Variants in MTMR9 observed in about 807,000 individuals in gnomAD.
The protein encoded by MTMR9 is myotubularin related protein 9.
A neutral mutation model predicts 69.5 loss-of-function variants in MTMR9; 39 were observed. The ratio of observed to expected loss-of-function variants is 0.56; its 90% CI spans 0.43 to 0.73. MTMR9 has a LOEUF of 0.73. MTMR9 is among the 30% of genes least tolerant of loss of function. MTMR9 has a pLI of 0.00. For synonymous variants in MTMR9, 354 were observed against 240.8 expected, an observed-to-expected ratio of 1.47 and a Z score of -4.35; for missense variants, 900 against 671.2, an observed-to-expected ratio of 1.34 and a Z score of -3.77.
rs1393443709 is a variant in MTMR9, at chr8:11,325,656, A to G, written c.*2868A>G. 1 of 124,212 alleles carries G rather than the reference A, an allele frequency of 8.1e-6. No individual in the cohort carries two copies. The highest frequency in any genetic ancestry group is 1.9e-5 in the Non-Finnish European group (1 of 54,048). 7.7% of individuals were successfully genotyped at this position (124,212 alleles called of 1,614,324 possible). A position where few individuals can be genotyped will look rare whatever the true frequency, so the allele number is the denominator to read the frequency against. On this transcript the variant is annotated 3_prime_UTR_variant, in exon 10 of 10. Coordinates refer to ENST00000221086, the MANE Select transcript of MTMR9 (RefSeq NM_015458.4). The stretch of plus-strand genomic sequence containing the variant: ...TAAGGATCCTCAGATTTAAATAAGT[A>G]CTTTTTTTTTTTTTAATCAGAAGAA...
At chr8:11,334,221 G>C in the MTMR9 span, among the ~76,000 whole-genome samples, 1 of 152,082 alleles carries the variant, frequency 6.6e-6, no homozygotes, top group South Asian at 2.1e-4. Context: ...TAAGACACTG[G>C]TAAAGTAAAT....
intron 5 of MTMR9, 133 bp downstream of exon 5, chr8:11,306,540 C>T (rs1285536680): frequency 5.2e-6 from 4 of 768,904 alleles, no homozygotes; most frequent in African/African-American, 3.5e-5. Context: ...GGCTAGCCAT[C>T]TTCTCATTTT....
Position 11,309,549 on chromosome 8 carries a change from T to G in MTMR9, c.832T>G (p.Leu278Val). Reference sequence around the variant, plus strand: ...AAGGTATCACATTCTTCAGGAGAGCTTAATCAAACTTGTGGAAGCTTGTAA... The same window carrying G: ...AAGGTATCACATTCTTCAGGAGAGCGTAATCAAACTTGTGGAAGCTTGTAA... ...IERYHILQES[L>V]IKLVEACNDQ... The change falls in exon 6 of 10, where the codon TTA (leucine) becomes GTA (valine). Residue 278 changes from leucine (L) to valine (V), a missense_variant. Physicochemically the swap from Leu to Val is conservative, Grantham distance 32. Coordinates refer to ENST00000221086, the MANE Select transcript of MTMR9 (RefSeq NM_015458.4). 6.2e-7 allele frequency: 1 copy of G among 1,613,610 alleles called. No individual in the cohort carries two copies. The highest frequency in any genetic ancestry group is 8.5e-7 in the Non-Finnish European group (1 of 1,179,692).
Position 11,309,811 on chromosome 8 carries a change from A to G in MTMR9, c.971+123A>G, listed in dbSNP as rs981507204. On this transcript the variant is annotated intron_variant, in intron 6 of 9. Transcript: ENST00000221086. ...AGTAAATTACTGTGTAGGCTAGTCA[A>G]CACCATCCCATTATTGATGAGGTGT... The G allele has an allele frequency of 6.2e-5, 60 of 964,482 alleles. 1 individual carries two copies. Among genetic ancestry groups the G allele is most frequent in the Middle Eastern group, 2.4e-4 (1 of 4,160 alleles). The allele number at this position is 964,482 out of a possible 1,614,324, so 59.7% of individuals were successfully genotyped here.
intron 3 of MTMR9, among the ~76,000 whole-genome samples, chr8:11,304,143 A>G (rs148158421): frequency 1.9e-4 from 29 of 152,152 alleles, no homozygotes; most frequent in African/African-American, 5.3e-4. Context: ...ATAGTTTTAT[A>G]TTGTATACTT....
downstream of MTMR9, chr8:11,331,582 G>A (rs1801231387): frequency 6.2e-7 from 1 of 1,611,628 alleles, no homozygotes; most frequent in Non-Finnish European, 8.5e-7. Context: ...GGCTACGAGT[G>A]GTGTGGACTG....
intron 1 of MTMR9, among the ~76,000 whole-genome samples, chr8:11,293,828 T>G (rs536921956): frequency 2.0e-5 from 3 of 152,204 alleles, no homozygotes; most frequent in African/African-American, 7.2e-5. Context: ...CTGTCTTCAA[T>G]TGAATTGTCT....
chr8:11,310,555 C>T (rs553140422), intron 6 of MTMR9, among the ~76,000 whole-genome samples: 2 of 152,282 alleles, frequency 1.3e-5, no homozygotes, highest in South Asian at 2.1e-4. Context: ...AAGGTAGAGT[C>T]CCTTGGGGTC....
intron 2 of MTMR9, chr8:11,299,021 T>G (rs1002853569): frequency 1.1e-5 from 5 of 436,512 alleles, no homozygotes; most frequent in Middle Eastern, 1.1e-3. Context: ...TTTCTACCTA[T>G]GTAGAGCATG....
At chr8:11,332,186 CAA>C (rs1423766764), downstream of MTMR9, 5 of 1,291,824 alleles carry the variant, frequency 3.9e-6, no homozygotes, top group South Asian at 1.6e-5. Context: ...AGACTGAAGA[CAA>C]AAAAAAAATA....
intron 1 of MTMR9, among the ~76,000 whole-genome samples, chr8:11,288,796 C>T (rs1176546467): frequency 3.3e-5 from 5 of 152,220 alleles, no homozygotes; most frequent in Non-Finnish European, 7.3e-5. Context: ...GAAGACAATT[C>T]TGGCTGCTGG....
intron 2 of MTMR9, among the ~76,000 whole-genome samples, chr8:11,296,359 A>G (rs146125868): frequency 1.4e-3 from 209 of 152,336 alleles, no homozygotes; most frequent in African/African-American, 4.8e-3. Flanking sequence ...GTCCTCTGTC[A>G]TTACTTACTA....
At chr8:11,291,067 G>A (rs1799365987) in intron 1 of MTMR9, among the ~76,000 whole-genome samples, 1 of 152,044 alleles carries the variant, frequency 6.6e-6, no homozygotes, top group Non-Finnish European at 1.5e-5. Context: ...TATAACTGTA[G>A]TGTAATCAAA....
At chr8:11,310,719 A>G (rs754139839) in intron 6 of MTMR9, among the ~76,000 whole-genome samples, 15 of 152,078 alleles carry the variant, frequency 9.9e-5, no homozygotes, top group Non-Finnish European at 1.9e-4. Context: ...TTTCTTTTTA[A>G]CCTAAGTTTA....
At chr8:11,335,536 T>C in the MTMR9 span, among the ~76,000 whole-genome samples, 1 of 152,170 alleles carries the variant, frequency 6.6e-6, no homozygotes, top group Non-Finnish European at 1.5e-5. Flanking sequence ...AAATGTTATT[T>C]TGTGGATAGT....
intron 5 of MTMR9, among the ~76,000 whole-genome samples, chr8:11,308,630 A>G (rs1020240661): frequency 2.0e-5 from 3 of 152,146 alleles, no homozygotes; most frequent in Non-Finnish European, 4.4e-5. Context: ...TCAATTTGTT[A>G]ATGTGTAATT....
At chr8:11,318,512 T>G (rs888222731) in intron 8 of MTMR9, 4 of 152,234 alleles carry the variant, frequency 2.6e-5, no homozygotes, top group Non-Finnish European at 1.5e-5. Flanking sequence ...ACAAAACTGA[T>G]TTTATAATAA....
At chr8:11,301,761 A>T (rs1799755576) in intron 3 of MTMR9, among the ~76,000 whole-genome samples, 1 of 152,320 alleles carries the variant, frequency 6.6e-6, no homozygotes, top group South Asian at 2.1e-4. Flanking sequence ...GACTAAAAAG[A>T]AGATAAAAGA....
the MTMR9 span, among the ~76,000 whole-genome samples, chr8:11,338,282 A>G: frequency 6.6e-6 from 1 of 152,280 alleles, no homozygotes; most frequent in African/African-American, 2.4e-5. Context: ...CATTATATGG[A>G]CCAGCTTCTG....
Sources: gnomAD v4.1 joint callset for allele counts (sites outside exome capture counted in the v4.1 genomes callset) on GRCh38, gnomAD v4.1.1 for gene constraint, MANE v1.5 for transcripts, NCBI Gene and HGNC (gene_info 2026-07-23, HGNC 2026-07-21) for gene names.